Variants in MYO9B observed in about 807,000 individuals in gnomAD.
MYO9B encodes the protein unconventional myosin-IXb.
Under a neutral mutation model 229.5 loss-of-function variants are expected in MYO9B, and 71 were observed. That is an observed-to-expected ratio of 0.31 (90% CI 0.26 to 0.38). The LOEUF (loss-of-function observed/expected upper bound fraction) is 0.38. Among genes scored for constraint, MYO9B ranks in the 10% least tolerant of loss-of-function variants. The pLI is 1.00. For synonymous variants in MYO9B, 1,185 were observed against 1,235.8 expected, an observed-to-expected ratio of 0.96 and a Z score of 0.86; for missense variants, 2,255 against 2,920.5, an observed-to-expected ratio of 0.77 and a Z score of 5.25.
chr19:17,154,257 G>A (rs1164958633), intron 5 of MYO9B, 58 bp from the exon 6 acceptor site: 13 of 1,532,558 alleles, frequency 8.5e-6, no homozygotes, highest in Non-Finnish European at 1.2e-5. Flanking sequence ...AAATCACTCT[G>A]GCACGCCACC....
chr19:17,108,868 C>T (rs1039443254), intron 2 of MYO9B, among the ~76,000 whole-genome samples: 2 of 151,578 alleles, frequency 1.3e-5, no homozygotes, highest in African/African-American at 4.8e-5. Flanking sequence ...CGCCCACCAC[C>T]GTGCCCGGCT....
intron 1 of MYO9B, among the ~76,000 whole-genome samples, chr19:17,077,950 C>T (rs2057501563): frequency 6.6e-6 from 1 of 152,210 alleles, no homozygotes. Flanking sequence ...AATCCCGAGG[C>T]AGTACCGTCC....
At chr19:17,174,165 G>A (rs111707632) in intron 13 of MYO9B, among the ~76,000 whole-genome samples, 9,496 of 151,586 alleles carry the variant, frequency 0.063, 387 homozygotes, top group Non-Finnish European at 0.094. Flanking sequence ...AAGTAGCTGC[G>A]ACTACAGGCA....
intron 2 of MYO9B, among the ~76,000 whole-genome samples, chr19:17,144,969 C>CAAA (rs58527501): frequency 2.0e-4 from 17 of 83,540 alleles, no homozygotes; most frequent in East Asian, 9.2e-4. Flanking sequence ...GACTTCATCT[C>CAAA]AAAAAAAAAA....
chr19:17,166,996 A>G (rs2072666708), intron 10 of MYO9B, among the ~76,000 whole-genome samples: 1 of 152,020 alleles, frequency 6.6e-6, no homozygotes, highest in South Asian at 2.1e-4. Context: ...TTGATACATA[A>G]ATATGTTCCT....
At chr19:17,194,096 C>T (rs900634704) in intron 21 of MYO9B, among the ~76,000 whole-genome samples, 2 of 151,896 alleles carry the variant, frequency 1.3e-5, no homozygotes, top group African/African-American at 4.8e-5. Flanking sequence ...CACTTGAACC[C>T]GGGAGGCAGA....
rs200070053 is a variant in MYO9B at position 17,185,373 on chromosome 19, CAA to C, written c.2496+401_2496+402del. ...TGGGCGACAGAGCAAGACTCCATCT[CAA>C]AAAAAAAAAAAAAAGATACAAAAAT... is the stretch of plus-strand genomic sequence containing the variant. On this transcript the variant is annotated intron_variant, in intron 17 of 39. Coordinates refer to ENST00000682292, the MANE Select transcript of MYO9B (RefSeq NM_004145.4). Among the ~76,000 whole-genome samples, 24 of 107,480 alleles carry C rather than the reference CAA, an allele frequency of 2.2e-4. 1 individual carries two copies. The highest frequency in any genetic ancestry group is 5.8e-4 in the South Asian group (2 of 3,448). 70.5% of individuals were successfully genotyped at this position (107,480 alleles called of 152,430 possible).
At chr19:17,148,299 G>A (rs963560411) in intron 3 of MYO9B, among the ~76,000 whole-genome samples, 10 of 152,158 alleles carry the variant, frequency 6.6e-5, no homozygotes, top group Non-Finnish European at 1.3e-4. Flanking sequence ...CTTGACCTCC[G>A]CATGGGCACC....
intron 1 of MYO9B, among the ~76,000 whole-genome samples, chr19:17,094,613 A>G (rs951465413): frequency 6.6e-6 from 1 of 152,222 alleles, no homozygotes; most frequent in Non-Finnish European, 1.5e-5. Context: ...AACTTAATTA[A>G]GGAAAAGTCA....
chr19:17,168,903 G>A (rs1191216923), intron 11 of MYO9B, among the ~76,000 whole-genome samples: 1 of 152,202 alleles, frequency 6.6e-6, no homozygotes, highest in Non-Finnish European at 1.5e-5. Flanking sequence ...CAGTCCACAG[G>A]GCGCTGTGAA....
intron 2 of MYO9B, among the ~76,000 whole-genome samples, chr19:17,143,155 C>T (rs375491151): frequency 1.3e-5 from 2 of 152,046 alleles, no homozygotes; most frequent in South Asian, 4.1e-4. Context: ...ACGAGAATCG[C>T]TTGAACCCGG....
chr19:17,182,698 A>G (rs1467306806), intron 15 of MYO9B, among the ~76,000 whole-genome samples: 3 of 152,028 alleles, frequency 2.0e-5, no homozygotes, highest in African/African-American at 7.3e-5. Context: ...ATTTTACCCC[A>G]CAGGGATTCA....
Position 17,088,463 on chromosome 19 carries a change from T to C in MYO9B, c.-59+12589T>C, listed in dbSNP as rs193075789. Reference sequence around the variant, plus strand: ...AATGCCTCTCTTTGTAATTTTGCCCTGCGGACGCTGTTTCTTGGCCCTGCT... The same window carrying C: ...AATGCCTCTCTTTGTAATTTTGCCCCGCGGACGCTGTTTCTTGGCCCTGCT... On this transcript the variant is annotated intron_variant, in intron 1 of 39. Transcript: ENST00000682292. 2.7e-3 allele frequency among the ~76,000 whole-genome samples: 409 copies of C among 152,310 alleles called. 4 individuals carry two copies. The highest frequency in any genetic ancestry group is 9.6e-3 in the African/African-American group (401 of 41,572).
At position 17,205,405 on chromosome 19, in the gene MYO9B, T is replaced by G. The variant is rs2073149454; in HGVS notation, c.5064+69T>G. On this transcript the variant is annotated intron_variant, in intron 31 of 39. Coordinates refer to ENST00000682292, the MANE Select transcript of MYO9B (RefSeq NM_004145.4). ...CACGGCCAGGTGCACCAGGAGGTGGTGCTTGATGTGAGGGCCAAGCGAAGC... is the reference window on the plus strand; with the variant it reads ...CACGGCCAGGTGCACCAGGAGGTGGGGCTTGATGTGAGGGCCAAGCGAAGC... The G allele has an allele frequency of 4.0e-6, 6 of 1,485,586 alleles. No homozygotes were observed. In the African/African-American group the frequency reaches 4.2e-5, roughly 10 times the overall value. The allele number at this position is 1,485,586 out of a possible 1,614,324, so 92.0% of individuals were successfully genotyped here. A position where few individuals can be genotyped will look rare whatever the true frequency, so the allele number is the denominator to read the frequency against.
Position 17,193,204 on chromosome 19 carries a change from C to T in MYO9B, c.3128+142C>T, listed in dbSNP as rs1042895407. 136 of 1,003,446 alleles carry T rather than the reference C, an allele frequency of 1.4e-4. No individual in the cohort carries two copies. The highest frequency in any genetic ancestry group is 1.7e-4 in the Non-Finnish European group (124 of 727,314). 62.2% of individuals were successfully genotyped at this position (1,003,446 alleles called of 1,614,324 possible). ...ACACAGGGAAAGGCTGGTGGGAAACCAGATGCCTAGGCACTCATGGGCTGC... is the reference window on the plus strand; with the variant it reads ...ACACAGGGAAAGGCTGGTGGGAAACTAGATGCCTAGGCACTCATGGGCTGC... On this transcript the variant is annotated intron_variant, in intron 21 of 39. Coordinates refer to ENST00000682292, the MANE Select transcript of MYO9B (RefSeq NM_004145.4). This position sits in a 1 kb window ranked among gnomAD's most constrained non-coding sequence, Gnocchi z 4.3.
intron 19 of MYO9B, 107 bp downstream of exon 19, chr19:17,188,152 G>A: frequency 6.2e-6 from 6 of 974,234 alleles, no homozygotes; most frequent in Non-Finnish European, 9.3e-6. Flanking sequence ...AGGTTGGCCA[G>A]GTGCAGTGGC....
chr19:17,118,855 G>A (rs1199543093), intron 2 of MYO9B, among the ~76,000 whole-genome samples: 1 of 152,100 alleles, frequency 6.6e-6, no homozygotes, highest in Non-Finnish European at 1.5e-5. Context: ...TTTGTGGAAG[G>A]TGTAATTGTT....
chr19:17,210,348 C>T lies in MYO9B; in HGVS notation c.5764C>T (p.Leu1922=), dbSNP rs766724361. 1.3e-5 allele frequency: 21 copies of T among 1,599,144 alleles called. No homozygotes were observed. Among genetic ancestry groups the T allele is most frequent in the Non-Finnish European group, 1.4e-5 (16 of 1,172,688 alleles). Residue 1922 remains leucine (L), a synonymous_variant, in exon 37 of 40, where the codon CTG becomes TTG. Coordinates refer to ENST00000682292, the MANE Select transcript of MYO9B (RefSeq NM_004145.4). ...TCTCTCCCAGCCATGGCCTCTCAAA[C>T]TGGGGTTTTCGTCTCCCTATGAGGG... ...LRQNAPWPLK[L]GFSSPYEGVL... is the part of the protein sequence containing the mutation.
rs1362236251 is a variant in MYO9B, at chr19:17,102,371, G to C, written c.654G>C (p.Leu218=). The change falls in exon 2 of 40, where the codon CTG becomes CTC. Residue 218 remains leucine (L), a synonymous_variant. Transcript: ENST00000682292. The part of the protein sequence containing the change: ...LGKLEPHVFA[L]ADVAYYTMLR... ...AGCTGGAGCCACACGTCTTCGCGCT[G>C]GCCGACGTGGCCTACTACACCATGC... The C allele has an allele frequency of 1.2e-6, 2 of 1,614,042 alleles. No individual in the cohort carries two copies. Among genetic ancestry groups the C allele is most frequent in the East Asian group, 4.5e-5 (2 of 44,882 alleles).
Sources: allele counts gnomAD v4.1 joint callset (sites outside exome capture counted in the v4.1 genomes callset), GRCh38; gene constraint gnomAD v4.1.1; non-coding constraint Gnocchi (gnomAD v3.1); transcripts MANE v1.5; gene names NCBI Gene and HGNC (gene_info 2026-07-23, HGNC 2026-07-21).